ITGB5: variants seen among roughly 807,000 people sequenced by gnomAD.
The protein encoded by ITGB5 is integrin beta-5.
Under a neutral mutation model 84.8 loss-of-function variants are expected in ITGB5, and 38 were observed. That is an observed-to-expected ratio of 0.45 (90% CI 0.35 to 0.59). The LOEUF is 0.59. Ranked by LOEUF, ITGB5 falls within the 20% of genes least tolerant of loss-of-function variation. The probability of loss-of-function intolerance (pLI) is 0.01; values close to 1 mark genes in which losing one functional copy is unlikely to be tolerated. For missense variants in ITGB5, 905 were observed against 1,034.5 expected (o/e 0.87, Z 1.72); for synonymous variants, 393 against 414.4 (o/e 0.95, Z 0.63).
At chr3:124,810,322 T>C (rs1247430936) in intron 8 of ITGB5, among the ~76,000 whole-genome samples, 1 of 152,122 alleles carries the variant, frequency 6.6e-6, no homozygotes, top group Non-Finnish European at 1.5e-5. Context: ...CCTTGAGGGA[T>C]TGCGATGGAA....
Position 124,763,476 on chromosome 3 carries a change from C to T in ITGB5, c.*147G>A, listed in dbSNP as rs1022146715. ...ATGGCCAGGCACCTTCCTGTACAGG[C>T]ACTGTGGGCTCCTGGCCCAGGCTCA... On this transcript the variant is annotated 3_prime_UTR_variant, in exon 15 of 15. Transcript: ENST00000296181. 3.5e-5 allele frequency: 20 copies of T among 574,918 alleles called. No individual in the cohort carries two copies. In the African/African-American group the frequency reaches 3.6e-4, roughly 10 times the overall value. The allele number at this position is 574,918 out of a possible 1,614,324, so 35.6% of individuals were successfully genotyped here. A position where few individuals can be genotyped will look rare whatever the true frequency, so the allele number is the denominator to read the frequency against.
At chr3:124,848,633 A>C in intron 3 of ITGB5, 75 bp from the exon 4 acceptor site, 1 of 1,499,732 alleles carries the variant, frequency 6.7e-7, no homozygotes, top group Non-Finnish European at 8.9e-7. Flanking sequence ...ATTTGCTTTC[A>C]AAGCTAGTTT....
At chr3:124,856,912 TC>T (rs985020883) in intron 3 of ITGB5, among the ~76,000 whole-genome samples, 4 of 152,188 alleles carry the variant, frequency 2.6e-5, no homozygotes, top group African/African-American at 9.7e-5. Flanking sequence ...CTGTAAGAGT[TC>T]CCTTCCTTTT....
chr3:124,806,858 A>G (rs888545516), intron 9 of ITGB5, among the ~76,000 whole-genome samples: 1 of 151,988 alleles, frequency 6.6e-6, no homozygotes, highest in Non-Finnish European at 1.5e-5. Context: ...ACATAAATAC[A>G]TTGCAACTTC....
intron 9 of ITGB5, among the ~76,000 whole-genome samples, chr3:124,806,424 ATTTTTTTT>A (rs71145488): frequency 2.7e-5 from 2 of 72,774 alleles, no homozygotes; most frequent in Non-Finnish European, 5.3e-5. Context: ...GCCTCATTCC[ATTTTTTTT>A]TTTTTTTTTT....
chr3:124,859,508 A>G (rs1197177259), intron 2 of ITGB5, 62 bp from the exon 3 acceptor site: 2 of 1,350,838 alleles, frequency 1.5e-6, no homozygotes, highest in African/African-American at 2.9e-5. Context: ...AAAACATCGC[A>G]TGTCGTGGCT....
At chr3:124,878,019 T>C (rs1934402932) in intron 1 of ITGB5, among the ~76,000 whole-genome samples, 1 of 152,204 alleles carries the variant, frequency 6.6e-6, no homozygotes, top group Non-Finnish European at 1.5e-5. Flanking sequence ...ATTTTTGTAT[T>C]TTTAATAGAG....
At chr3:124,882,392 G>A (rs114639656) in intron 1 of ITGB5, among the ~76,000 whole-genome samples, 2,037 of 152,320 alleles carry the variant, frequency 0.013, 59 homozygotes, top group African/African-American at 0.044. Flanking sequence ...AGCTGGGAGC[G>A]GCCAGGGAAA....
chr3:124,884,136 C>CAAGACAGAAACA (rs1334394466), intron 1 of ITGB5, among the ~76,000 whole-genome samples: 2 of 151,436 alleles, frequency 1.3e-5, no homozygotes, highest in Non-Finnish European at 2.9e-5. Flanking sequence ...AAATAATGTT[C>CAAGACAGAAACA]CTAGTGGCAA....
intron 3 of ITGB5, among the ~76,000 whole-genome samples, chr3:124,852,344 G>C (rs1388661803): frequency 6.6e-6 from 1 of 151,944 alleles, no homozygotes; most frequent in African/African-American, 2.4e-5. Flanking sequence ...CCAGCCTCAG[G>C]ACCAGGGGCA....
intron 10 of ITGB5, chr3:124,791,158 A>C (rs2064143960): frequency 6.6e-6 from 1 of 152,246 alleles, no homozygotes. Flanking sequence ...AACTGAACAG[A>C]ACATGTCCTG....
At position 124,796,735 on chromosome 3, in the gene ITGB5, A is replaced by G. The variant is rs201812130; in HGVS notation, c.1346T>C (p.Phe449Ser). The change falls in exon 10 of 15, where the codon TTC (phenylalanine) becomes TCC (serine). Residue 449 changes from phenylalanine to serine, a missense_variant. Physicochemically the swap from Phe to Ser is radical, Grantham distance 155. Around this residue, in one of 3 missense-constraint regions of ITGB5, gnomAD observed 656 missense variants for 734.7 expected, o/e 0.89. Transcript: ENST00000296181. ...EHVFALRPVG[F>S]RDSLEVGVTY... ...GACCCCCACCTCCAGGCTGTCCCGG[A>G]ATCCCACCGGCCGCAGGGCAAACAC... 1 of 1,613,988 alleles carries G rather than the reference A, an allele frequency of 6.2e-7. No homozygotes were observed. The highest frequency in any genetic ancestry group is 2.2e-5 in the East Asian group (1 of 44,890).
chr3:124,837,911 T>A (rs895859459), intron 5 of ITGB5, among the ~76,000 whole-genome samples: 1 of 152,232 alleles, frequency 6.6e-6, no homozygotes, highest in Non-Finnish European at 1.5e-5. Context: ...CCAGCCCCTA[T>A]GACGCACAGA....
At chr3:124,831,775 G>C (rs942024147) in intron 5 of ITGB5, among the ~76,000 whole-genome samples, 5 of 152,040 alleles carry the variant, frequency 3.3e-5, no homozygotes, top group African/African-American at 1.2e-4. Context: ...CGCAGCCCAG[G>C]GGCCCCAGTT....
intron 5 of ITGB5, among the ~76,000 whole-genome samples, chr3:124,825,708 C>A (rs542601207): frequency 6.6e-6 from 1 of 152,272 alleles, no homozygotes; most frequent in African/African-American, 2.4e-5. Context: ...ATGACAAAGG[C>A]ATGCTGGGAA....
intron 3 of ITGB5, among the ~76,000 whole-genome samples, chr3:124,850,172 ACCG>A (rs2065131754): frequency 6.6e-6 from 1 of 151,930 alleles, no homozygotes; most frequent in Non-Finnish European, 1.5e-5. Flanking sequence ...TCCTCCTCCC[ACCG>A]TGACAACAAG....
chr3:124,887,945 G>C, upstream of ITGB5: 1 of 239,504 alleles, frequency 4.2e-6, no homozygotes. Flanking sequence ...TTGAGACAGC[G>C]TCTTGCTCTC....
chr3:124,887,665 A>G (rs1362846056), upstream of ITGB5: 1 of 449,052 alleles, frequency 2.2e-6, no homozygotes, highest in Admixed American at 2.4e-5. Context: ...GCCCGTCGCC[A>G]CGGGAAAGGG....
intron 10 of ITGB5, among the ~76,000 whole-genome samples, chr3:124,796,114 G>A (rs2064218735): frequency 6.6e-6 from 1 of 151,874 alleles, no homozygotes; most frequent in African/African-American, 2.4e-5. Flanking sequence ...GTGCAGGCCA[G>A]TCCTGCATGA....
Sources: gnomAD v4.1 joint callset for allele counts (sites outside exome capture counted in the v4.1 genomes callset) on GRCh38, gnomAD v4.1.1 for gene constraint, gnomAD v4.1.1 regional missense constraint, MANE v1.5 for transcripts, NCBI Gene and HGNC (gene_info 2026-07-23, HGNC 2026-07-21) for gene names.